LRP6: variants seen among roughly 807,000 people sequenced by gnomAD.
The protein encoded by LRP6 is LDL receptor related protein 6.
LRP6 carries 43 observed loss-of-function variants against 184.1 expected under a neutral mutation model. The ratio of observed to expected loss-of-function variants is 0.23; its 90% CI spans 0.18 to 0.30. LRP6 has a LOEUF of 0.30. Among genes scored for constraint, LRP6 ranks in the 10% least tolerant of loss-of-function variants. LRP6 has a pLI of 1.00. For missense variants in LRP6, 1,571 were observed against 2,005.3 expected, an observed-to-expected ratio of 0.78 and a Z score of 4.14; for synonymous variants, 719 against 684.9, an observed-to-expected ratio of 1.05 and a Z score of -0.78.
chr12:12,248,939 C>G, intron 1 of LRP6: 1 of 442,352 alleles, frequency 2.3e-6, no homozygotes. Flanking sequence ...CTCTGTTGTT[C>G]CAAATGACAG....
intron 7 of LRP6, among the ~76,000 whole-genome samples, chr12:12,176,019 C>A (rs1356608952): frequency 2.9e-5 from 2 of 69,482 alleles, no homozygotes; most frequent in African/African-American, 1.3e-4. Context: ...GCAGTAAAAC[C>A]TGATCCTAAA....
intron 7 of LRP6, among the ~76,000 whole-genome samples, chr12:12,172,738 C>T (rs1863078164): frequency 6.6e-6 from 1 of 152,130 alleles, no homozygotes; most frequent in Admixed American, 6.5e-5. Flanking sequence ...TAATTTCACA[C>T]AAATGGGATT....
chr12:12,248,471 C>CTTTTTTTT (rs71061030), intron 1 of LRP6, among the ~76,000 whole-genome samples: 1 of 62,792 alleles, frequency 1.6e-5, no homozygotes, highest in African/African-American at 5.8e-5. Context: ...AGTCTTTACT[C>CTTTTTTTT]TTTTTTTTTT....
chr12:12,179,852 T>C lies in LRP6; in HGVS notation c.1503A>G (p.Glu501=). Residue 501 remains glutamate, a synonymous_variant, in exon 7 of 23, where the codon GAA becomes GAG. Transcript: ENST00000261349. ...TGGCATCTCCCCAGTATATTTTGCC[T>C]TCATCATAATCCAAGGCTAAACCAT... ...WPNGLALDYD[E]GKIYWGDAKT... The C allele has an allele frequency of 6.2e-7, 1 of 1,613,928 alleles. No individual in the cohort carries two copies. Among genetic ancestry groups the C allele is most frequent in the South Asian group, 1.1e-5 (1 of 91,076 alleles).
At chr12:12,212,401 A>C (rs915458671) in intron 2 of LRP6, among the ~76,000 whole-genome samples, 9 of 152,220 alleles carry the variant, frequency 5.9e-5, no homozygotes, top group African/African-American at 2.2e-4. Flanking sequence ...AAAAGCATGA[A>C]GAGAGCCTGT....
chr12:12,148,849 G>T, intron 14 of LRP6, 93 bp downstream of exon 14: 2 of 890,816 alleles, frequency 2.2e-6, no homozygotes, highest in South Asian at 2.6e-5. Context: ...CTGGAGCACA[G>T]GACACTTAAA....
chr12:12,249,212 C>T (rs549232610), intron 1 of LRP6: 1 of 793,430 alleles, frequency 1.3e-6, no homozygotes, highest in East Asian at 2.4e-5. Flanking sequence ...GACCTAAATA[C>T]CCAGAAGCAC....
chr12:12,261,020 A>G (rs192907910), intron 1 of LRP6, among the ~76,000 whole-genome samples: 104 of 152,296 alleles, frequency 6.8e-4, no homozygotes, highest in Admixed American at 5.9e-3. Context: ...ATCTCCTTTG[A>G]TATTTAAAAC....
intron 2 of LRP6, among the ~76,000 whole-genome samples, chr12:12,221,937 T>C (rs74061140): frequency 0.02 from 3,049 of 152,250 alleles, 102 homozygotes; most frequent in African/African-American, 0.064. Flanking sequence ...TGAGATTTAA[T>C]TGGTGGTTTT....
intron 3 of LRP6, among the ~76,000 whole-genome samples, chr12:12,202,709 C>A (rs1296742797): frequency 6.6e-6 from 1 of 152,160 alleles, no homozygotes; most frequent in Non-Finnish European, 1.5e-5. Flanking sequence ...CTTGGCCAAA[C>A]CCCGTCCTAG....
chr12:12,206,815 G>T (rs1383068587), intron 2 of LRP6, among the ~76,000 whole-genome samples: 2 of 151,244 alleles, frequency 1.3e-5, no homozygotes, highest in East Asian at 3.9e-4. Flanking sequence ...TTTCAGGAGG[G>T]AGAAAAAAAT....
At chr12:12,265,494 C>A (rs1865733104) in intron 1 of LRP6, among the ~76,000 whole-genome samples, 1 of 152,182 alleles carries the variant, frequency 6.6e-6, no homozygotes. Flanking sequence ...CTATTAGTTA[C>A]TATTAGTGTT....
intron 1 of LRP6, among the ~76,000 whole-genome samples, chr12:12,246,697 G>A (rs544265649): frequency 6.6e-6 from 1 of 151,396 alleles, no homozygotes; most frequent in East Asian, 2.0e-4. Flanking sequence ...AGTGAGTTAT[G>A]ATACAATTAT....
At chr12:12,197,498 G>A (rs1306821057) in intron 3 of LRP6, among the ~76,000 whole-genome samples, 1 of 152,210 alleles carries the variant, frequency 6.6e-6, no homozygotes, top group Non-Finnish European at 1.5e-5. Context: ...AACAAACACA[G>A]TTGGGTACAT....
chr12:12,239,395 G>A (rs531941894), intron 2 of LRP6, among the ~76,000 whole-genome samples: 14 of 152,114 alleles, frequency 9.2e-5, no homozygotes, highest in African/African-American at 2.9e-4. Flanking sequence ...GGAAAGGCAC[G>A]GTCCAAGTGG....
chr12:12,205,368 G>A (rs1299637833), intron 2 of LRP6, among the ~76,000 whole-genome samples: 1 of 147,628 alleles, frequency 6.8e-6, no homozygotes, highest in Non-Finnish European at 1.5e-5. Flanking sequence ...AGGTAATGAG[G>A]GTGCTATGAA....
intron 1 of LRP6, among the ~76,000 whole-genome samples, chr12:12,245,059 C>A (rs1865153196): frequency 6.6e-6 from 1 of 152,154 alleles, no homozygotes; most frequent in South Asian, 2.1e-4. Flanking sequence ...CTATACAATC[C>A]AAGGCAATAG....
At chr12:12,259,754 C>G (rs1026167639) in intron 1 of LRP6, among the ~76,000 whole-genome samples, 1 of 152,116 alleles carries the variant, frequency 6.6e-6, no homozygotes, top group Non-Finnish European at 1.5e-5. Context: ...ATTGCCTAGT[C>G]TGTATATTTG....
In LRP6 at chr12:12,264,751, G is replaced by A. The variant is rs115868674; in HGVS notation, c.55+1930C>T. 8.3e-3 allele frequency among the ~76,000 whole-genome samples: 1,260 copies of A among 151,856 alleles called. 9 individuals carry two copies. The highest frequency in any genetic ancestry group is 0.029 in the African/African-American group (1,193 of 41,496). On this transcript the variant is annotated intron_variant, in intron 1 of 22. Transcript: ENST00000261349. ...CAAAAATATTTTACATCAAAAGACA[G>A]TTTTACTTCAAATAATATGTACTCA...
Sources: gnomAD v4.1 joint callset for allele counts (sites outside exome capture counted in the v4.1 genomes callset) on GRCh38, gnomAD v4.1.1 for gene constraint, MANE v1.5 for transcripts, NCBI Gene and HGNC (gene_info 2026-07-23, HGNC 2026-07-21) for gene names.